AGBL4: variants seen among roughly 807,000 people sequenced by gnomAD.
The protein encoded by AGBL4 is cytosolic carboxypeptidase 6.
Under a neutral mutation model 66.4 loss-of-function variants are expected in AGBL4, and 58 were observed. The observed-to-expected ratio is 0.87, with a 90% CI of 0.71 to 1.09. The LOEUF (loss-of-function observed/expected upper bound fraction) is 1.09. AGBL4 is among the 50% of genes least tolerant of loss of function. The pLI is 0.00. For missense variants in AGBL4, 579 were observed against 631.0 expected (o/e 0.92, Z 0.88); for synonymous variants, 234 against 222.9 (o/e 1.05, Z -0.44).
At chr1:49,160,993 G>A (rs972986537) in intron 4 of AGBL4, among the ~76,000 whole-genome samples, 7 of 152,272 alleles carry the variant, frequency 4.6e-5, no homozygotes, top group South Asian at 2.1e-4. Flanking sequence ...GGGCTCCCTC[G>A]GGGTGGGAGT....
At chr1:49,437,331 T>C (rs1189785424) in intron 3 of AGBL4, among the ~76,000 whole-genome samples, 1 of 152,174 alleles carries the variant, frequency 6.6e-6, no homozygotes, top group Non-Finnish European at 1.5e-5. Context: ...TAATTAAGTC[T>C]CCCCAAATCA....
At chr1:49,068,849 A>T (rs1212519744) in intron 4 of AGBL4, among the ~76,000 whole-genome samples, 1 of 152,202 alleles carries the variant, frequency 6.6e-6, no homozygotes, top group African/African-American at 2.4e-5. Flanking sequence ...TCCCATCAAC[A>T]GTGTAAAAGT....
intron 5 of AGBL4, among the ~76,000 whole-genome samples, chr1:48,933,520 T>C (rs1365399138): frequency 2.6e-5 from 4 of 152,186 alleles, no homozygotes; most frequent in African/African-American, 7.2e-5. Context: ...AATAAATCTA[T>C]TCCCTTGACC....
At chr1:50,018,948 C>T (rs1460554837) in intron 1 of AGBL4, among the ~76,000 whole-genome samples, 3 of 151,930 alleles carry the variant, frequency 2.0e-5, no homozygotes, top group East Asian at 1.9e-4. Flanking sequence ...ATTCCAAAAT[C>T]ACCAAATATC....
intron 3 of AGBL4, among the ~76,000 whole-genome samples, chr1:49,317,193 C>T (rs1345260955): frequency 6.6e-6 from 1 of 151,662 alleles, no homozygotes; most frequent in Non-Finnish European, 1.5e-5. Flanking sequence ...TTTTGGTTAT[C>T]TATATTTTCA....
intron 3 of AGBL4, among the ~76,000 whole-genome samples, chr1:49,391,693 C>G (rs1644853231): frequency 6.6e-6 from 1 of 151,774 alleles, no homozygotes; most frequent in Non-Finnish European, 1.5e-5. Flanking sequence ...TCCCAAGTAG[C>G]TGGGACTACA....
chr1:48,807,336 G>A (rs961736995), intron 6 of AGBL4, among the ~76,000 whole-genome samples: 2 of 152,170 alleles, frequency 1.3e-5, no homozygotes, highest in African/African-American at 4.8e-5. Context: ...CCTAGTCCAG[G>A]GTTTTACCAC....
At chr1:48,978,641 C>A (rs1410958647) in intron 5 of AGBL4, among the ~76,000 whole-genome samples, 1 of 152,112 alleles carries the variant, frequency 6.6e-6, no homozygotes, top group Non-Finnish European at 1.5e-5. Flanking sequence ...GCAATTGTCC[C>A]TGAGTTATTT....
intron 6 of AGBL4, among the ~76,000 whole-genome samples, chr1:48,768,320 C>T (rs1311256149): frequency 6.6e-6 from 1 of 152,174 alleles, no homozygotes; most frequent in Non-Finnish European, 1.5e-5. Flanking sequence ...TCCTGAACTA[C>T]AAGGCTTATG....
intron 2 of AGBL4, among the ~76,000 whole-genome samples, chr1:49,753,154 T>C (rs1651609104): frequency 6.6e-6 from 1 of 152,242 alleles, no homozygotes; most frequent in Non-Finnish European, 1.5e-5. Flanking sequence ...TGCAGTTTCT[T>C]CATAGTGTCA....
chr1:49,683,555 C>T (rs1356964343), intron 3 of AGBL4, among the ~76,000 whole-genome samples: 1 of 152,110 alleles, frequency 6.6e-6, no homozygotes, highest in Non-Finnish European at 1.5e-5. Context: ...GAACACATGA[C>T]ACATCAAGTG....
intron 6 of AGBL4, among the ~76,000 whole-genome samples, chr1:48,845,455 AGCACAGTAT>A (rs1646888409): frequency 6.6e-6 from 1 of 152,216 alleles, no homozygotes; most frequent in Non-Finnish European, 1.5e-5. Context: ...GTTCTGAAGG[AGCACAGTAT>A]GCTCACCACA....
At chr1:48,921,096 C>T (rs1471105686) in intron 5 of AGBL4, among the ~76,000 whole-genome samples, 2 of 152,152 alleles carry the variant, frequency 1.3e-5, no homozygotes, top group Non-Finnish European at 1.5e-5. Flanking sequence ...CTCAGTGCAT[C>T]AGCAGGCCCG....
chr1:49,150,145 T>C (rs957789811), intron 4 of AGBL4, among the ~76,000 whole-genome samples: 4 of 152,158 alleles, frequency 2.6e-5, no homozygotes, highest in Non-Finnish European at 4.4e-5. Flanking sequence ...GGGGTGGCCT[T>C]GGTGAGATCA....
intron 3 of AGBL4, among the ~76,000 whole-genome samples, chr1:49,478,568 A>G (rs1178729105): frequency 6.6e-6 from 1 of 151,980 alleles, no homozygotes; most frequent in Admixed American, 6.6e-5. Flanking sequence ...TCAACACTAG[A>G]CCTGCCATAT....
At chr1:49,459,469 A>C (rs150050383) in intron 3 of AGBL4, among the ~76,000 whole-genome samples, 153 of 151,536 alleles carry the variant, frequency 1.0e-3, no homozygotes, top group Non-Finnish European at 1.6e-3. Flanking sequence ...TTCATTTCTA[A>C]CTGAGCTTTT....
rs764527639 is a variant in AGBL4, at chr1:49,562,754, C to G, written c.282+134559G>C. Among the ~76,000 whole-genome samples the G allele has an allele frequency of 3.3e-5, 5 of 152,212 alleles. No individual in the cohort carries two copies. In the South Asian group the frequency reaches 6.2e-4, roughly 19 times the overall value. Reference sequence around the variant, plus strand: ...AAGTCAGGTAGCGTGATGCCTCCAGCTTTGTTCTTTTGGCTTAGGATTGAC... The same window carrying G: ...AAGTCAGGTAGCGTGATGCCTCCAGGTTTGTTCTTTTGGCTTAGGATTGAC... On this transcript the variant is annotated intron_variant, in intron 3 of 13. Transcript: ENST00000371839.
At chr1:49,476,352 C>T (rs1477002769) in intron 3 of AGBL4, among the ~76,000 whole-genome samples, 1 of 151,918 alleles carries the variant, frequency 6.6e-6, no homozygotes, top group Admixed American at 6.6e-5. Context: ...AGAGTATGTT[C>T]CATGTGCAGA....
At chr1:49,053,299 CT>C (rs1237196214) in intron 4 of AGBL4, among the ~76,000 whole-genome samples, 1 of 152,100 alleles carries the variant, frequency 6.6e-6, no homozygotes, top group Non-Finnish European at 1.5e-5. Context: ...TCTTCTTGAC[CT>C]TTTGCAGACC....
Sources: gnomAD v4.1 joint callset for allele counts (sites outside exome capture counted in the v4.1 genomes callset) on GRCh38, gnomAD v4.1.1 for gene constraint, MANE v1.5 for transcripts, NCBI Gene and HGNC (gene_info 2026-07-23, HGNC 2026-07-21) for gene names.